Variants in KIF22 observed in about 807,000 individuals in gnomAD.
KIF22 encodes kinesin family member 22, also known as kinesin-like protein KIF22.
In KIF22, 62 loss-of-function variants were observed where a neutral mutation model predicts 73.0. The ratio of observed to expected loss-of-function variants is 0.85; its 90% CI spans 0.69 to 1.05. The LOEUF (loss-of-function observed/expected upper bound fraction) is 1.05, where lower values mean the gene tolerates loss of function less well. Among genes scored for constraint, KIF22 ranks in the 50% least tolerant of loss-of-function variants. KIF22 has a pLI of 0.00. For missense variants in KIF22, 854 were observed against 870.1 expected (o/e 0.98, Z 0.23); for synonymous variants, 411 against 340.1 (o/e 1.21, Z -2.29).
Position 29,797,428 on chromosome 16 carries a change from G to A in KIF22, c.266+340G>A, listed in dbSNP as rs554805257. Among the ~76,000 whole-genome samples, 10 of 152,156 alleles carry A rather than the reference G, an allele frequency of 6.6e-5. No individual in the cohort carries two copies. Among genetic ancestry groups the A allele is most frequent in the Non-Finnish European group, 1.3e-4 (9 of 68,018 alleles). On this transcript the variant is annotated intron_variant, in intron 2 of 13. Coordinates refer to ENST00000160827, the MANE Select transcript of KIF22 (RefSeq NM_007317.3). This position sits in a 1 kb window ranked among gnomAD's most constrained non-coding sequence, Gnocchi z 4.1. Reference sequence around the variant, plus strand: ...CAGCCAGCCTACCCAAGCTGCAGCTGGGTAGTGTCAGAGAAGACCACCCAG... The same window carrying A: ...CAGCCAGCCTACCCAAGCTGCAGCTAGGTAGTGTCAGAGAAGACCACCCAG...
At position 29,803,626 on chromosome 16, in the gene KIF22, G is replaced by A. The variant is rs1899223655; in HGVS notation, c.1609+18G>A. 6.3e-7 allele frequency: 1 copy of A among 1,591,300 alleles called. No individual in the cohort carries two copies. Among genetic ancestry groups the A allele is most frequent in the African/African-American group, 1.4e-5 (1 of 74,040 alleles). On this transcript the variant is annotated intron_variant, in intron 10 of 13. Coordinates refer to ENST00000160827, the MANE Select transcript of KIF22 (RefSeq NM_007317.3). The stretch of plus-strand genomic sequence containing the variant: ...ACAGCTAAGTAAGTTTGACTCCAGG[G>A]GCTGGGGGGCCAAGGCAGCTGAGAT...
intron 11 of KIF22, chr16:29,804,434 T>TG: frequency 1.6e-6 from 1 of 626,646 alleles, no homozygotes; most frequent in Non-Finnish European, 2.9e-6. Context: ...CTGAGATGGT[T>TG]GGGGGAGGTA....
chr16:29,794,013 G>A (rs1423013558), intron 1 of KIF22, among the ~76,000 whole-genome samples: 2 of 152,294 alleles, frequency 1.3e-5, no homozygotes, highest in South Asian at 2.1e-4. Flanking sequence ...TTGCAGGGAT[G>A]GAGGAGTGGG....
chr16:29,802,170 G>A (rs1261729101), intron 8 of KIF22, among the ~76,000 whole-genome samples: 2 of 147,254 alleles, frequency 1.4e-5, no homozygotes, highest in African/African-American at 5.0e-5. Flanking sequence ...AGGAGGCTGA[G>A]ACAGGGGGAT....
chr16:29,803,621 C>G lies in KIF22; in HGVS notation c.1609+13C>G. 1 of 1,597,184 alleles carries G rather than the reference C, an allele frequency of 6.3e-7. No homozygotes were observed. Among genetic ancestry groups the G allele is most frequent in the Non-Finnish European group, 8.5e-7 (1 of 1,171,480 alleles). On this transcript the variant is annotated intron_variant, in intron 10 of 13. Coordinates refer to ENST00000160827, the MANE Select transcript of KIF22 (RefSeq NM_007317.3). ...CCCCTACAGCTAAGTAAGTTTGACT[C>G]CAGGGGCTGGGGGGCCAAGGCAGCT...
chr16:29,799,138 G>T lies in KIF22; in HGVS notation c.713G>T (p.Arg238Leu). The T allele has an allele frequency of 6.2e-7, 1 of 1,614,046 alleles. No individual in the cohort carries two copies. Among genetic ancestry groups the T allele is most frequent in the Non-Finnish European group, 8.5e-7 (1 of 1,180,020 alleles). ...CGAAATCGGACTGTAGGAGCCACCC[G>T]GCTCAACCAGCGCTCCTCCCGCAGT... ...ASRNRTVGAT[R>L]LNQRSSRSHA... Residue 238 changes from arginine to leucine, a missense_variant, in exon 5 of 14, where the codon CGG becomes CTG. Transcript: ENST00000160827.
Position 29,798,931 on chromosome 16 carries a change from G to A in KIF22, c.550-44G>A, listed in dbSNP as rs200255598. 2.5e-6 allele frequency: 4 copies of A among 1,588,108 alleles called. No individual in the cohort carries two copies. The African/African-American group carries it at 5.4e-5, about 21-fold the overall frequency. On this transcript the variant is annotated intron_variant, in intron 4 of 13. Coordinates refer to ENST00000160827, the MANE Select transcript of KIF22 (RefSeq NM_007317.3). The surrounding 1 kb of genome is among the most constrained non-coding windows in gnomAD (Gnocchi z 4.1). ...GGAAACTGATCCCCAGGAAGAAACA[G>A]CCTCTCTATGGAGAATTGCCCTTCC...
At chr16:29,803,900 G>T in intron 10 of KIF22, 98 bp from the exon 11 acceptor site, 1 of 926,824 alleles carries the variant, frequency 1.1e-6, no homozygotes, top group South Asian at 1.3e-5. Context: ...TCTGGATGGA[G>T]GGGAGCTGGG....
chr16:29,804,191 C>T (rs534169535), intron 11 of KIF22, 126 bp downstream of exon 11: 132 of 752,034 alleles, frequency 1.8e-4, no homozygotes, highest in Non-Finnish European at 2.9e-4. Flanking sequence ...ACTAACAGAC[C>T]TCAACTTGCT....
At chr16:29,803,279 C>A in intron 9 of KIF22, 170 bp from the exon 10 acceptor site, 1 of 747,994 alleles carries the variant, frequency 1.3e-6, no homozygotes, top group Non-Finnish European at 2.2e-6. Context: ...CCCCTAATCA[C>A]AGAAAGCCCT....
chr16:29,797,670 G>A lies in KIF22; in HGVS notation c.266+582G>A, dbSNP rs1231407293. Reference sequence around the variant, plus strand: ...ACTACAGTGGCAGAGTTGAGTAGTTGTAAAAGGAACACATGGCCCACAAAG... The same window carrying A: ...ACTACAGTGGCAGAGTTGAGTAGTTATAAAAGGAACACATGGCCCACAAAG... On this transcript the variant is annotated intron_variant, in intron 2 of 13. Coordinates refer to ENST00000160827, the MANE Select transcript of KIF22 (RefSeq NM_007317.3). The surrounding 1 kb of genome is among the most constrained non-coding windows in gnomAD (Gnocchi z 4.1). 1.3e-5 allele frequency among the ~76,000 whole-genome samples: 2 copies of A among 152,186 alleles called. No individual in the cohort carries two copies. The highest frequency in any genetic ancestry group is 2.1e-4 in the South Asian group (1 of 4,838).
chr16:29,796,348 A>G (rs1337029432), intron 1 of KIF22, among the ~76,000 whole-genome samples: 1 of 151,428 alleles, frequency 6.6e-6, no homozygotes, highest in Admixed American at 6.6e-5. Context: ...TTTCGGTCAG[A>G]TGTCAACCCT....
In KIF22 at chr16:29,798,309, C is replaced by G. The variant is rs1899004263; in HGVS notation, c.267-65C>G. 2.1e-6 allele frequency: 3 copies of G among 1,404,882 alleles called. No homozygotes were observed. The highest frequency in any genetic ancestry group is 2.8e-6 in the Non-Finnish European group (3 of 1,069,046). 87.0% of individuals were successfully genotyped at this position (1,404,882 alleles called of 1,614,324 possible). A position where few individuals can be genotyped will look rare whatever the true frequency, so the allele number is the denominator to read the frequency against. On this transcript the variant is annotated intron_variant, in intron 2 of 13. Coordinates refer to ENST00000160827, the MANE Select transcript of KIF22 (RefSeq NM_007317.3). The surrounding 1 kb of genome is among the most constrained non-coding windows in gnomAD (Gnocchi z 4.1). ...CTTACCCACCCCCACCCCACTCCAC[C>G]CCTTACACACACACACACACACACA...
intron 11 of KIF22, 77 bp downstream of exon 11, chr16:29,804,142 G>C (rs1480939912): frequency 8.2e-7 from 1 of 1,219,358 alleles, no homozygotes; most frequent in East Asian, 2.3e-5. Context: ...GAGGAGCGTT[G>C]GCCTTGGGGT....
intron 1 of KIF22, among the ~76,000 whole-genome samples, chr16:29,796,467 G>C (rs2142369348): frequency 6.6e-6 from 1 of 151,994 alleles, no homozygotes; most frequent in South Asian, 2.1e-4. Context: ...CCAGCACTTT[G>C]GGAGGCTGAG....
At position 29,798,298 on chromosome 16, in the gene KIF22, C is replaced by T. The variant is rs1427884261; in HGVS notation, c.267-76C>T. The T allele has an allele frequency of 5.1e-6, 7 of 1,380,542 alleles. No individual in the cohort carries two copies. Among genetic ancestry groups the T allele is most frequent in the African/African-American group, 1.5e-5 (1 of 65,540 alleles). The allele number at this position is 1,380,542 out of a possible 1,614,324, so 85.5% of individuals were successfully genotyped here. A position where few individuals can be genotyped will look rare whatever the true frequency, so the allele number is the denominator to read the frequency against. On this transcript the variant is annotated intron_variant, in intron 2 of 13. Coordinates refer to ENST00000160827, the MANE Select transcript of KIF22 (RefSeq NM_007317.3). The surrounding 1 kb of genome is among the most constrained non-coding windows in gnomAD (Gnocchi z 4.1). ...GAGTAGAATCCCTTACCCACCCCCA[C>T]CCCACTCCACCCCTTACACACACAC...
At chr16:29,791,140 C>G in intron 1 of KIF22, 1 of 1,310,956 alleles carries the variant, frequency 7.6e-7, no homozygotes, top group Non-Finnish European at 9.7e-7. Flanking sequence ...GGGTCATGGC[C>G]TCATCCCTGG....
chr16:29,804,204 C>T (rs533255919), intron 11 of KIF22, 139 bp downstream of exon 11: 9 of 714,920 alleles, frequency 1.3e-5, no homozygotes, highest in Admixed American at 8.3e-5. Flanking sequence ...AACTTGCTTA[C>T]CCCTGGAATG....
rs992406077 is a variant in KIF22 at position 29,797,168 on chromosome 16, G to T, written c.266+80G>T. 26 of 1,085,900 alleles carry T rather than the reference G, an allele frequency of 2.4e-5. No homozygotes were observed. In the African/African-American group the frequency reaches 3.3e-4, roughly 14 times the overall value. The allele number at this position is 1,085,900 out of a possible 1,614,324, so 67.3% of individuals were successfully genotyped here. A position where few individuals can be genotyped will look rare whatever the true frequency, so the allele number is the denominator to read the frequency against. On this transcript the variant is annotated intron_variant, in intron 2 of 13. Transcript: ENST00000160827. This position sits in a 1 kb window ranked among gnomAD's most constrained non-coding sequence, Gnocchi z 4.1. ...TGCCCACGTTCCCCTGCCTCCCCAG[G>T]ATCCTTGCTCCCTCCTTAGCACCGC...
Sources: allele counts gnomAD v4.1 joint callset (sites outside exome capture counted in the v4.1 genomes callset), GRCh38; gene constraint gnomAD v4.1.1; non-coding constraint Gnocchi (gnomAD v3.1); transcripts MANE v1.5; gene names NCBI Gene and HGNC (gene_info 2026-07-23, HGNC 2026-07-21).